The following ZNF148 variants were observed in gnomAD, a reference collection of about 807,000 sequenced individuals.
The protein encoded by ZNF148 is Beta-Enolase Repressor Factor-1.
A neutral mutation model predicts 67.7 loss-of-function variants in ZNF148; 7 were observed. The ratio of observed to expected loss-of-function variants is 0.10; its 90% confidence interval spans 0.06 to 0.19. ZNF148 has a LOEUF of 0.19. Ranked by LOEUF, ZNF148 falls within the 10% of genes least tolerant of loss-of-function variation. The pLI, the probability that ZNF148 is intolerant of heterozygous loss-of-function variation, is 1.00. For synonymous variants in ZNF148, 333 were observed against 330.7 expected, an observed-to-expected ratio of 1.01 and a Z score of -0.08; for missense variants, 583 against 947.1, an observed-to-expected ratio of 0.62 and a Z score of 5.05.
At chr3:125,246,453 C>T (rs2107537973) in intron 7 of ZNF148, among the ~76,000 whole-genome samples, 1 of 152,266 alleles carries the variant, frequency 6.6e-6, no homozygotes, top group Middle Eastern at 3.4e-3. Context: ...CTCAGCATTT[C>T]TTACTGTGAG....
At chr3:125,316,038 C>CTG (rs752737584) in intron 3 of ZNF148, among the ~76,000 whole-genome samples, 13 of 152,138 alleles carry the variant, frequency 8.5e-5, no homozygotes, top group Admixed American at 2.0e-4. Context: ...CCCTTTTACT[C>CTG]TCTATATCCA....
chr3:125,256,856 C>T (rs542493140), intron 7 of ZNF148, among the ~76,000 whole-genome samples: 1 of 151,992 alleles, frequency 6.6e-6, no homozygotes, highest in African/African-American at 2.4e-5. Context: ...ATATTTCCTA[C>T]TGATGTCTTT....
chr3:125,297,414 T>A (rs1327563414), intron 4 of ZNF148, among the ~76,000 whole-genome samples: 2 of 151,470 alleles, frequency 1.3e-5, no homozygotes, highest in African/African-American at 4.9e-5. Flanking sequence ...ACACAAAAAA[T>A]ACCAAAAGGA....
At chr3:125,283,829 A>C (rs1938519185) in intron 5 of ZNF148, among the ~76,000 whole-genome samples, 1 of 152,174 alleles carries the variant, frequency 6.6e-6, no homozygotes, top group South Asian at 2.1e-4. Flanking sequence ...GGGAACCAAC[A>C]ATATATAATA....
In ZNF148 at chr3:125,231,938, C is replaced by T. The variant is rs1486185827; in HGVS notation, c.*403G>A. The T allele has an allele frequency of 6.1e-6, 1 of 162,672 alleles. No individual in the cohort carries two copies. The highest frequency in any genetic ancestry group is 1.4e-5 in the Non-Finnish European group (1 of 73,788). The allele number at this position is 162,672 out of a possible 1,614,324, so 10.1% of individuals were successfully genotyped here. A position where few individuals can be genotyped will look rare whatever the true frequency, so the allele number is the denominator to read the frequency against. On this transcript the variant is annotated 3_prime_UTR_variant, in exon 9 of 9. Coordinates refer to ENST00000360647, the MANE Select transcript of ZNF148 (RefSeq NM_021964.3). The stretch of plus-strand genomic sequence containing the variant: ...TCTGTCTGTAAAGTATACTCAGATT[C>T]CCTGCTGAAGTGCAATGACTATGCT...
intron 5 of ZNF148, among the ~76,000 whole-genome samples, chr3:125,284,406 GATATACAGC>G: frequency 6.6e-6 from 1 of 152,138 alleles, no homozygotes; most frequent in South Asian, 2.1e-4. Flanking sequence ...TGGCCACCCA[GATATACAGC>G]AATGTAAAAA....
At chr3:125,336,216 G>C (rs1444363078) in intron 1 of ZNF148, among the ~76,000 whole-genome samples, 1 of 152,096 alleles carries the variant, frequency 6.6e-6, no homozygotes, top group Admixed American at 6.5e-5. Context: ...AAAGCCCAAA[G>C]CAATGAAAGG....
At chr3:125,332,809 T>C (rs1015307451) in intron 1 of ZNF148, among the ~76,000 whole-genome samples, 33 of 152,364 alleles carry the variant, frequency 2.2e-4, no homozygotes, top group African/African-American at 7.7e-4. Flanking sequence ...AGATACACTC[T>C]GCTAAATTTA....
At chr3:125,359,425 T>G (rs1236859208) in intron 1 of ZNF148, among the ~76,000 whole-genome samples, 1 of 152,184 alleles carries the variant, frequency 6.6e-6, no homozygotes, top group Non-Finnish European at 1.5e-5. Context: ...CTCTGAAACA[T>G]GAACATCAAA....
intron 1 of ZNF148, among the ~76,000 whole-genome samples, chr3:125,366,180 T>C (rs148688055): frequency 6.6e-6 from 1 of 152,270 alleles, no homozygotes; most frequent in Non-Finnish European, 1.5e-5. Context: ...AATTCTCACA[T>C]CCTCACCATA....
At chr3:125,340,149 ACAG>A (rs1306433245) in intron 1 of ZNF148, among the ~76,000 whole-genome samples, 1 of 152,212 alleles carries the variant, frequency 6.6e-6, no homozygotes, top group African/African-American at 2.4e-5. Context: ...CTCACACCCA[ACAG>A]AAGAAGACAA....
At chr3:125,234,135 G>A in intron 8 of ZNF148, 76 bp downstream of exon 8, 1 of 1,240,794 alleles carries the variant, frequency 8.1e-7, no homozygotes, top group Non-Finnish European at 1.1e-6. Flanking sequence ...GCTCTAAGTT[G>A]TAATATTTTC....
intron 1 of ZNF148, chr3:125,344,404 C>G: frequency 4.3e-6 from 3 of 701,886 alleles, no homozygotes; most frequent in Non-Finnish European, 7.8e-6. Flanking sequence ...GTCCCTTGGC[C>G]TCCTCAGGGA....
chr3:125,354,142 TTAAA>T (rs1203207532), intron 1 of ZNF148, among the ~76,000 whole-genome samples: 1 of 152,134 alleles, frequency 6.6e-6, no homozygotes, highest in African/African-American at 2.4e-5. Flanking sequence ...GTTTTTTCTA[TTAAA>T]TAAATTTCTT....
At chr3:125,301,607 G>A in intron 4 of ZNF148, among the ~76,000 whole-genome samples, 1 of 152,142 alleles carries the variant, frequency 6.6e-6, no homozygotes, top group East Asian at 1.9e-4. Context: ...CCACATGAAT[G>A]AGCAAATCAA....
At chr3:125,267,229 T>C (rs1400421187) in intron 7 of ZNF148, among the ~76,000 whole-genome samples, 1 of 151,680 alleles carries the variant, frequency 6.6e-6, no homozygotes, top group African/African-American at 2.4e-5. Context: ...AGTATCATCC[T>C]GATACCAAAA....
chr3:125,278,391 C>A (rs1038247121), intron 6 of ZNF148, among the ~76,000 whole-genome samples: 3 of 152,126 alleles, frequency 2.0e-5, no homozygotes, highest in African/African-American at 7.2e-5. Flanking sequence ...AGTACTTTCT[C>A]TCCTTCTCTT....
chr3:125,331,266 C>T (rs113207372), intron 1 of ZNF148, 28 bp from the exon 2 acceptor site: 123 of 398,438 alleles, frequency 3.1e-4, no homozygotes, highest in African/African-American at 2.2e-3. Flanking sequence ...TACAGGTTAA[C>T]CCCCAAAAGA....
At position 125,288,117 on chromosome 3, in the gene ZNF148, G is replaced by A. The variant is rs1411607439; in HGVS notation, c.445C>T (p.Arg149Cys). The stretch of plus-strand genomic sequence containing the variant: ...CATTGTCTTACTTTTGCGGGAGAAC[G>A]TTGTTTCCGCTTCTTCTTTTTCTGT... ...DLQKKKKRKQ[R>C]SPAKILTINE... is the part of the protein sequence containing the mutation. Residue 149 changes from arginine (R) to cysteine (C), a missense_variant, in exon 5 of 9, where the codon CGT becomes TGT. Arg to Cys is a radical substitution (Grantham distance 180, BLOSUM62 -3). Around this residue, in one of 5 missense-constraint regions of ZNF148, gnomAD observed 150 missense variants for 202.5 expected, o/e 0.74. Transcript: ENST00000360647. 2.5e-6 allele frequency: 4 copies of A among 1,613,800 alleles called. No homozygotes were observed. Among genetic ancestry groups the A allele is most frequent in the Non-Finnish European group, 1.7e-6 (2 of 1,179,842 alleles).
Sources: allele counts gnomAD v4.1 joint callset (sites outside exome capture counted in the v4.1 genomes callset), GRCh38; gene constraint gnomAD v4.1.1; regional missense constraint gnomAD v4.1.1; transcripts MANE v1.5; gene names NCBI Gene and HGNC (gene_info 2026-07-23, HGNC 2026-07-21).